The following MTMR8 variants were observed in gnomAD, a reference collection of about 807,000 sequenced individuals.
MTMR8 encodes myotubularin related protein 8, also known as phosphatidylinositol-3,5-bisphosphate 3-phosphatase MTMR8.
MTMR8 carries 65 observed loss-of-function variants against 39.3 expected under a neutral mutation model. The observed-to-expected ratio is 1.65, with a 90% CI of 1.35 to 2.03. MTMR8 has a LOEUF of 2.03. Ranked by LOEUF, MTMR8 falls within the 30% of genes most tolerant of loss-of-function variation. The pLI is 0.00. For missense variants in MTMR8, 777 were observed against 538.9 expected, an observed-to-expected ratio of 1.44 and a Z score of -4.37; for synonymous variants, 245 against 185.2, an observed-to-expected ratio of 1.32 and a Z score of -2.62.
At chrX:64,280,370 T>A (rs1383573078) in intron 12 of MTMR8, among the ~76,000 whole-genome samples, 1 of 111,880 alleles carries the variant, frequency 8.9e-6, no homozygotes, top group Non-Finnish European at 1.9e-5. Flanking sequence ...CGGCTTCATC[T>A]CTGGGAGGCA....
chrX:64,283,020 G>A (rs1033356813), intron 12 of MTMR8, among the ~76,000 whole-genome samples: 18 of 112,079 alleles, frequency 1.6e-4, no homozygotes, highest in Admixed American at 1.2e-3. Flanking sequence ...CTGAAACAGG[G>A]CGAGGCATCG....
intron 12 of MTMR8, among the ~76,000 whole-genome samples, chrX:64,273,069 G>A (rs1305695300): frequency 9.0e-6 from 1 of 111,305 alleles, no homozygotes; most frequent in Admixed American, 9.6e-5. Context: ...AAAGGGAAAT[G>A]AAAATGAAAA....
chrX:64,285,596 A>G lies in MTMR8; in HGVS notation c.1482-14523T>C, dbSNP rs138693428. Among the ~76,000 whole-genome samples, 1,078 of 112,174 alleles carry G rather than the reference A, an allele frequency of 9.6e-3. 16 individuals are homozygous for G. Among genetic ancestry groups the G allele is most frequent in the African/African-American group, 0.031 (969 of 30,848 alleles). ...AAGTAAAACACTCCTCAGCAAATGT[A>G]AAAGAACAGAAATTATAACAAATTT... On this transcript the variant is annotated intron_variant, in intron 12 of 13. Transcript: ENST00000374852.
chrX:64,338,178 G>A (rs1420596956), intron 8 of MTMR8, among the ~76,000 whole-genome samples: 1 of 112,205 alleles, frequency 8.9e-6, no homozygotes, highest in Non-Finnish European at 1.9e-5. Flanking sequence ...GTTTCCTTAG[G>A]TGAAGAAGGA....
rs1440820102 is a variant in MTMR8 at position 64,268,281 on chromosome X, G to C, written c.*256C>G. 6.3e-5 allele frequency: 22 copies of C among 350,917 alleles called. No individual in the cohort carries two copies. The highest frequency in any genetic ancestry group is 1.5e-5 in the Non-Finnish European group (3 of 205,646). 28.9% of individuals were successfully genotyped at this position (350,917 alleles called of 1,213,427 possible). A position where few individuals can be genotyped will look rare whatever the true frequency, so the allele number is the denominator to read the frequency against. On this transcript the variant is annotated 3_prime_UTR_variant, in exon 14 of 14. Transcript: ENST00000374852. ...AACCAGCTTAATATGTGTCTCAGCTGAGAGGCAACATTTCTATAGTTAAAT... is the reference window on the plus strand; with the variant it reads ...AACCAGCTTAATATGTGTCTCAGCTCAGAGGCAACATTTCTATAGTTAAAT...
chrX:64,303,618 C>G (rs1264941530), intron 12 of MTMR8, among the ~76,000 whole-genome samples: 1 of 112,344 alleles, frequency 8.9e-6, no homozygotes, highest in Non-Finnish European at 1.9e-5. Flanking sequence ...AGAGTTCTTA[C>G]TGTATAAATT....
At chrX:64,295,080 C>T (rs1183486186) in intron 12 of MTMR8, among the ~76,000 whole-genome samples, 1 of 110,424 alleles carries the variant, frequency 9.1e-6, no homozygotes, top group Non-Finnish European at 1.9e-5. Flanking sequence ...TATTCTGGCT[C>T]CAACACACTC....
chrX:64,370,057 G>GA (rs907830177), intron 1 of MTMR8, among the ~76,000 whole-genome samples: 24 of 110,662 alleles, frequency 2.2e-4, no homozygotes, highest in African/African-American at 6.9e-4. Flanking sequence ...AGTGGAATGG[G>GA]AAAAAAATGG....
chrX:64,375,237 C>T (rs1010377991), intron 1 of MTMR8, among the ~76,000 whole-genome samples: 2 of 108,717 alleles, frequency 1.8e-5, no homozygotes, highest in African/African-American at 3.4e-5. Flanking sequence ...CTGTAGTCCC[C>T]GCTACTCAGG....
rs1931690760 is a variant in MTMR8 at position 64,268,823 on chromosome X, T to C, written c.1829A>G (p.His610Arg). The change falls in exon 14 of 14, where the codon CAT becomes CGT. Residue 610 changes from histidine to arginine, a missense_variant. By Grantham distance (29) the His-to-Arg change is conservative. Coordinates refer to ENST00000374852, the MANE Select transcript of MTMR8 (RefSeq NM_017677.4). The part of the protein sequence containing the change: ...QVKSQGADLH[H>R]NCCEIVGSLR... ...GCTGCCCACAATCTCACAACAGTTATGGTGGAGGTCTGCACCCTGGCTTTT... is the reference window on the plus strand; with the variant it reads ...GCTGCCCACAATCTCACAACAGTTACGGTGGAGGTCTGCACCCTGGCTTTT... 5 of 1,209,819 alleles carry C rather than the reference T, an allele frequency of 4.1e-6. No homozygotes were observed. The East Asian group carries it at 1.2e-4, about 29-fold the overall frequency.
chrX:64,287,816 C>T (rs1340429096), intron 12 of MTMR8, among the ~76,000 whole-genome samples: 4 of 105,419 alleles, frequency 3.8e-5, no homozygotes, highest in African/African-American at 1.4e-4. Flanking sequence ...AAAATTAATT[C>T]AAGATGGATT....
At chrX:64,333,324 C>T (rs1310339471) in intron 10 of MTMR8, among the ~76,000 whole-genome samples, 3 of 111,372 alleles carry the variant, frequency 2.7e-5, no homozygotes, top group Non-Finnish European at 5.7e-5. Flanking sequence ...TATCTTCCTT[C>T]ACTCCAGTGC....
intron 1 of MTMR8, among the ~76,000 whole-genome samples, chrX:64,372,809 T>C (rs1924162701): frequency 8.9e-6 from 1 of 112,246 alleles, no homozygotes; most frequent in African/African-American, 3.2e-5. Context: ...AGTTTCTGCA[T>C]GAAAATAGGT....
intron 12 of MTMR8, among the ~76,000 whole-genome samples, chrX:64,304,240 G>A (rs1392878712): frequency 9.0e-6 from 1 of 110,957 alleles, no homozygotes; most frequent in East Asian, 2.8e-4. Flanking sequence ...ACAAATGTCT[G>A]CTGCTGATCC....
At chrX:64,350,233 C>CA (rs1923453716) in intron 4 of MTMR8, among the ~76,000 whole-genome samples, 163 bp from the exon 5 acceptor site, 2 of 109,953 alleles carry the variant, frequency 1.8e-5, no homozygotes, top group Non-Finnish European at 1.9e-5. Context: ...TCAACACCTC[C>CA]ACCCCAAGAC....
At chrX:64,341,914 TG>T (rs2147226103) in intron 8 of MTMR8, among the ~76,000 whole-genome samples, 1 of 112,131 alleles carries the variant, frequency 8.9e-6, no homozygotes, top group South Asian at 3.7e-4. Context: ...GTATTGCTTT[TG>T]TAATGAGAAA....
intron 1 of MTMR8, among the ~76,000 whole-genome samples, chrX:64,360,767 A>G (rs1029455394): frequency 1.8e-5 from 2 of 112,172 alleles, no homozygotes; most frequent in African/African-American, 3.2e-5. Context: ...AACACAACAA[A>G]TAAAAATTTG....
intron 4 of MTMR8, among the ~76,000 whole-genome samples, chrX:64,353,578 A>G (rs1337737279): frequency 8.9e-6 from 1 of 112,106 alleles, no homozygotes; most frequent in African/African-American, 3.2e-5. Context: ...TTTTATCAAA[A>G]AGGCAATAAT....
At chrX:64,271,678 A>C (rs906501968) in intron 12 of MTMR8, among the ~76,000 whole-genome samples, 1 of 112,617 alleles carries the variant, frequency 8.9e-6, no homozygotes, top group Non-Finnish European at 1.9e-5. Flanking sequence ...GTTGGACTGC[A>C]CACCTAACAT....
Sources: allele counts gnomAD v4.1 joint callset (sites outside exome capture counted in the v4.1 genomes callset), GRCh38; gene constraint gnomAD v4.1.1; transcripts MANE v1.5; gene names NCBI Gene and HGNC (gene_info 2026-07-23, HGNC 2026-07-21).